SPATA6: variants seen among roughly 807,000 people sequenced by gnomAD.
The protein encoded by SPATA6 is spermatogenesis associated 6, also known as spermatogenesis-associated protein 6.
SPATA6 carries 56 observed loss-of-function variants against 65.3 expected under a neutral mutation model. The observed-to-expected ratio is 0.86, with a 90% confidence interval of 0.69 to 1.07. SPATA6 has a LOEUF of 1.07. SPATA6 is among the 50% of genes least tolerant of loss of function. SPATA6 has a pLI of 0.00. For synonymous variants in SPATA6, 199 were observed against 213.2 expected (o/e 0.93, Z 0.58); for missense variants, 590 against 594.8 (o/e 0.99, Z 0.08).
At chr1:48,328,536 T>C (rs985549812) in intron 11 of SPATA6, among the ~76,000 whole-genome samples, 3 of 152,144 alleles carry the variant, frequency 2.0e-5, no homozygotes, top group Admixed American at 6.5e-5. Context: ...ATTCAATTTA[T>C]ATGAAATGTG....
intron 10 of SPATA6, 51 bp downstream of exon 10, chr1:48,359,535 A>G: frequency 1.3e-6 from 2 of 1,553,832 alleles, no homozygotes; most frequent in Non-Finnish European, 1.7e-6. Context: ...TTCCCCTTCT[A>G]ATACTTATTA....
At chr1:48,370,966 T>C (rs1439301418) in intron 9 of SPATA6, among the ~76,000 whole-genome samples, 1 of 152,112 alleles carries the variant, frequency 6.6e-6, no homozygotes, top group Non-Finnish European at 1.5e-5. Context: ...CATTCCCAAC[T>C]AAAGTTATAA....
At position 48,436,744 on chromosome 1, in the gene SPATA6, G is replaced by C. The variant is rs184487651; in HGVS notation, c.238+14808C>G. 4.9e-5 allele frequency: 79 copies of C among 1,614,184 alleles called. No homozygotes were observed. In the East Asian group the frequency reaches 1.7e-3, roughly 34 times the overall value. ...TTACAGTGTTGGGATTACAGCATGT[G>C]AATTAGCCAGTGGGCAGGTGCCTTT... is the stretch of plus-strand genomic sequence containing the variant. On this transcript the variant is annotated intron_variant, in intron 3 of 12. Transcript: ENST00000371847.
intron 9 of SPATA6, among the ~76,000 whole-genome samples, chr1:48,364,646 GTTGT>G (rs1341734277): frequency 6.6e-6 from 1 of 151,730 alleles, no homozygotes; most frequent in Non-Finnish European, 1.5e-5. Context: ...TTTTGATGGG[GTTGT>G]TTTTTTCTTG....
At chr1:48,366,709 G>A (rs1415145470) in intron 9 of SPATA6, among the ~76,000 whole-genome samples, 1 of 151,960 alleles carries the variant, frequency 6.6e-6, no homozygotes, top group Non-Finnish European at 1.5e-5. Flanking sequence ...AATGTTGCTA[G>A]CGGTCTATCA....
At chr1:48,407,095 T>C (rs1262004760) in intron 5 of SPATA6, among the ~76,000 whole-genome samples, 3 of 152,256 alleles carry the variant, frequency 2.0e-5, no homozygotes, top group African/African-American at 7.2e-5. Context: ...ATATGTTCTA[T>C]GTATTTCTAT....
chr1:48,456,516 G>T (rs1253821259), intron 1 of SPATA6, among the ~76,000 whole-genome samples: 1 of 151,628 alleles, frequency 6.6e-6, no homozygotes, highest in Non-Finnish European at 1.5e-5. Flanking sequence ...AAAAAGAGCA[G>T]TCAATAAAAA....
At chr1:48,372,688 T>G (rs919844989) in intron 9 of SPATA6, among the ~76,000 whole-genome samples, 13 of 152,246 alleles carry the variant, frequency 8.5e-5, no homozygotes, top group Admixed American at 2.6e-4. Flanking sequence ...GCTCCGCCCC[T>G]GCAGCAAATT....
In SPATA6 at chr1:48,399,422, G is replaced by A; in HGVS notation, c.709C>T (p.Leu237=). The A allele has an allele frequency of 1.2e-6, 2 of 1,613,220 alleles. No homozygotes were observed. Among genetic ancestry groups the A allele is most frequent in the Non-Finnish European group, 1.7e-6 (2 of 1,179,466 alleles). The change falls in exon 7 of 13, where the codon CTG becomes TTG. Residue 237 remains leucine (L), a synonymous_variant. Transcript: ENST00000371847. Reference sequence around the variant, plus strand: ...TAGGGTCCCAGATTTAAATGGGCCAGCCGCCGCCTGGTGTCTTCAGATAGC... The same window carrying A: ...TAGGGTCCCAGATTTAAATGGGCCAACCGCCGCCTGGTGTCTTCAGATAGC... ...CELSEDTRRR[L]AHLNLGPYEF...
At chr1:48,333,964 T>C (rs569194315) in intron 11 of SPATA6, among the ~76,000 whole-genome samples, 5 of 152,238 alleles carry the variant, frequency 3.3e-5, no homozygotes, top group Admixed American at 6.5e-5. Context: ...TACTATTCCA[T>C]AGAAATACCA....
At chr1:48,419,903 T>A (rs1444519431) in intron 3 of SPATA6, among the ~76,000 whole-genome samples, 2 of 152,184 alleles carry the variant, frequency 1.3e-5, no homozygotes, top group African/African-American at 4.8e-5. Context: ...GATTTGAAGG[T>A]CATGAGAATC....
At chr1:48,327,206 A>T (rs570661230) in intron 11 of SPATA6, among the ~76,000 whole-genome samples, 38 of 152,336 alleles carry the variant, frequency 2.5e-4, no homozygotes, top group African/African-American at 8.9e-4. Context: ...GTCATTCCTC[A>T]AAAGAAGAAA....
intron 11 of SPATA6, among the ~76,000 whole-genome samples, chr1:48,349,422 TA>T (rs1185542392): frequency 6.6e-6 from 1 of 152,030 alleles, no homozygotes; most frequent in Admixed American, 6.6e-5. Flanking sequence ...TCAGTTAATT[TA>T]AACATGTCTT....
chr1:48,436,921 T>G, intron 3 of SPATA6: 1 of 1,613,526 alleles, frequency 6.2e-7, no homozygotes. Flanking sequence ...TGTGCTTGTC[T>G]CCAGTGGAAC....
chr1:48,399,758 T>A, intron 6 of SPATA6, 114 bp from the exon 7 acceptor site: 1 of 899,346 alleles, frequency 1.1e-6, no homozygotes. Context: ...CAAAGCCAAC[T>A]AGATCAGTCC....
At chr1:48,428,775 A>ATGTGTG (rs59651745) in intron 3 of SPATA6, among the ~76,000 whole-genome samples, 2,112 of 133,502 alleles carry the variant, frequency 0.016, 54 homozygotes, top group African/African-American at 0.046. Flanking sequence ...AGGTGTATAT[A>ATGTGTG]TGTGTGTGTG....
intron 3 of SPATA6, among the ~76,000 whole-genome samples, chr1:48,447,626 G>C (rs1183482760): frequency 6.6e-6 from 1 of 152,124 alleles, no homozygotes; most frequent in East Asian, 1.9e-4. Context: ...AAGTGCACTG[G>C]AACATCCTCA....
intron 11 of SPATA6, among the ~76,000 whole-genome samples, chr1:48,342,658 C>T (rs927568425): frequency 1.4e-5 from 2 of 148,052 alleles, no homozygotes; most frequent in Non-Finnish European, 3.0e-5. Context: ...ATTTATAAAA[C>T]ATTCAAAAAC....
intron 11 of SPATA6, among the ~76,000 whole-genome samples, chr1:48,313,315 A>C (rs1330267072): frequency 1.3e-5 from 2 of 152,234 alleles, no homozygotes; most frequent in African/African-American, 4.8e-5. Flanking sequence ...TTACCCACAA[A>C]GGGAGGCCCA....
Sources: gnomAD v4.1 joint callset for allele counts (sites outside exome capture counted in the v4.1 genomes callset) on GRCh38, gnomAD v4.1.1 for gene constraint, MANE v1.5 for transcripts, NCBI Gene and HGNC (gene_info 2026-07-23, HGNC 2026-07-21) for gene names.